Variants in ATP8B4 observed in about 807,000 individuals in gnomAD.
The protein encoded by ATP8B4 is probable phospholipid-transporting ATPase IM.
ATP8B4 carries 133 observed loss-of-function variants against 145.6 expected under a neutral mutation model. The observed-to-expected ratio is 0.91, with a 90% confidence interval of 0.79 to 1.05. The LOEUF (loss-of-function observed/expected upper bound fraction) is 1.05, where lower values mean the gene tolerates loss of function less well. ATP8B4 is among the 50% of genes least tolerant of loss of function. The probability of loss-of-function intolerance (pLI) is 0.00; values close to 1 mark genes in which losing one functional copy is unlikely to be tolerated. For synonymous variants in ATP8B4, 507 were observed against 492.9 expected (o/e 1.03, Z -0.38); for missense variants, 1,458 against 1,425.2 (o/e 1.02, Z -0.37).
At chr15:49,976,367 C>A (rs752147594) in intron 12 of ATP8B4, among the ~76,000 whole-genome samples, 3 of 150,828 alleles carry the variant, frequency 2.0e-5, no homozygotes, top group Non-Finnish European at 4.4e-5. Context: ...AGTGTCTTGC[C>A]CATCAGAGGC....
In ATP8B4 at chr15:50,098,226, G is replaced by T. The variant is rs1241919430; in HGVS notation, c.28+8713C>A. On this transcript the variant is annotated intron_variant, in intron 2 of 27. Coordinates refer to ENST00000284509, the MANE Select transcript of ATP8B4 (RefSeq NM_024837.4). Reference sequence around the variant, plus strand: ...AAATTAAAGATTTTGGTTGTGTCATGAAAATACATGAGTACCATACAGTTC... The same window carrying T: ...AAATTAAAGATTTTGGTTGTGTCATTAAAATACATGAGTACCATACAGTTC... Among the ~76,000 whole-genome samples the T allele has an allele frequency of 1.2e-4, 16 of 136,164 alleles. No homozygotes were observed. The Admixed American group carries it at 1.2e-3, about 10-fold the overall frequency. 89.3% of individuals were successfully genotyped at this position (136,164 alleles called of 152,430 possible). A position where few individuals can be genotyped will look rare whatever the true frequency, so the allele number is the denominator to read the frequency against.
chr15:50,094,049 T>C (rs982434169), intron 2 of ATP8B4, among the ~76,000 whole-genome samples: 2 of 152,032 alleles, frequency 1.3e-5, no homozygotes, highest in Non-Finnish European at 2.9e-5. Context: ...TAAACTAAAG[T>C]ATGTCTGTGA....
intron 2 of ATP8B4, among the ~76,000 whole-genome samples, chr15:50,086,687 AAAT>A (rs1454391385): frequency 9.3e-6 from 1 of 107,748 alleles, no homozygotes; most frequent in African/African-American, 4.3e-5. Context: ...ATATATAATA[AAAT>A]AATAGAGATC....
At chr15:50,121,666 A>G (rs897698150), upstream of ATP8B4, among the ~76,000 whole-genome samples, 3 of 151,170 alleles carry the variant, frequency 2.0e-5, no homozygotes, top group East Asian at 5.8e-4. Context: ...GATACAAGAA[A>G]AAAAAAACCT....
At chr15:49,879,708 C>T in intron 23 of ATP8B4, 1 of 375,254 alleles carries the variant, frequency 2.7e-6, no homozygotes, top group South Asian at 4.5e-5. Flanking sequence ...GCAGTGAGGA[C>T]AAAATAATAC....
chr15:50,029,567 A>C (rs964374262), intron 6 of ATP8B4, among the ~76,000 whole-genome samples: 1 of 152,104 alleles, frequency 6.6e-6, no homozygotes, highest in Non-Finnish European at 1.5e-5. Context: ...CTTTAATTTA[A>C]TTATGTCTGC....
chr15:50,012,371 C>G (rs1212526232), intron 6 of ATP8B4, among the ~76,000 whole-genome samples: 1 of 152,146 alleles, frequency 6.6e-6, no homozygotes, highest in African/African-American at 2.4e-5. Flanking sequence ...TGAAAGTGCA[C>G]CTGTCTCAGG....
chr15:50,072,924 CTCTCTCTCTCTCTCT>C (rs2053848988), intron 3 of ATP8B4, among the ~76,000 whole-genome samples: 17 of 10,558 alleles, frequency 1.6e-3, no homozygotes, highest in East Asian at 9.3e-3. Context: ...TGCCCGGCCT[CTCTCTCTCTCTCTCT>C]CTCTCTCTCT....
chr15:49,963,506 GC>G (rs1391141343), intron 13 of ATP8B4, among the ~76,000 whole-genome samples: 1 of 152,158 alleles, frequency 6.6e-6, no homozygotes, highest in African/African-American at 2.4e-5. Context: ...CACGGAATTA[GC>G]CTAATGCCCA....
chr15:49,862,171 C>T (rs1361102140), intron 27 of ATP8B4, 74 bp downstream of exon 27: 2 of 1,531,576 alleles, frequency 1.3e-6, no homozygotes, highest in East Asian at 2.3e-5. Context: ...TCTGAGCTTC[C>T]AATAAGGCAG....
At chr15:50,179,223 T>C (rs1029509797) in intron 1 of ATP8B4, among the ~76,000 whole-genome samples, 3 of 152,186 alleles carry the variant, frequency 2.0e-5, no homozygotes, top group Non-Finnish European at 4.4e-5. Flanking sequence ...TATTTGTCAA[T>C]TGAGTGTAGT....
At position 49,916,927 on chromosome 15, in the gene ATP8B4, CACCT is replaced by C. The variant is rs1319457339; in HGVS notation, c.2141+3_2141+6del. 1 of 1,611,454 alleles carries C rather than the reference CACCT, an allele frequency of 6.2e-7. No individual in the cohort carries two copies. Among genetic ancestry groups the C allele is most frequent in the Non-Finnish European group, 8.5e-7 (1 of 1,178,188 alleles). On this transcript the variant is annotated splice_donor_5th_base_variant and intron_variant, in intron 20 of 27. Coordinates refer to ENST00000284509, the MANE Select transcript of ATP8B4 (RefSeq NM_024837.4). Reference sequence around the variant, plus strand: ...TTCCATCCTTTCCTCCTTCCTTCAACACCTACCTGAGTTCTTCTCTCACTTCCAC... The same window carrying C: ...TTCCATCCTTTCCTCCTTCCTTCAACACCTGAGTTCTTCTCTCACTTCCAC...
At chr15:50,002,401 C>A (rs2047969221) in intron 7 of ATP8B4, among the ~76,000 whole-genome samples, 178 bp from the exon 8 acceptor site, 2 of 152,264 alleles carry the variant, frequency 1.3e-5, no homozygotes, top group South Asian at 4.1e-4. Context: ...TCCCTCTTCC[C>A]TGTTCCTCCT....
chr15:49,972,337 T>C (rs920956867), intron 13 of ATP8B4, among the ~76,000 whole-genome samples: 1 of 152,036 alleles, frequency 6.6e-6, no homozygotes, highest in Non-Finnish European at 1.5e-5. Context: ...CTAACCCTTT[T>C]CTCTATCCAT....
Position 50,007,093 on chromosome 15 carries a change from CATAAAAAA to C in ATP8B4, c.435+3744_435+3751del, listed in dbSNP as rs1346573713. 5.6e-4 allele frequency among the ~76,000 whole-genome samples: 85 copies of C among 151,836 alleles called. 1 individual carries two copies. Among genetic ancestry groups the C allele is most frequent in the Non-Finnish European group, 1.0e-3 (68 of 67,914 alleles). On this transcript the variant is annotated intron_variant, in intron 7 of 27. Coordinates refer to ENST00000284509, the MANE Select transcript of ATP8B4 (RefSeq NM_024837.4). ...TTAAAATGTACATACAAATGCAGAA[CATAAAAAA>C]AATAAATAAATAAAAATAAATAAAA...
intron 1 of ATP8B4, among the ~76,000 whole-genome samples, chr15:50,134,331 A>G (rs1174372068): frequency 6.6e-6 from 1 of 152,228 alleles, no homozygotes; most frequent in Non-Finnish European, 1.5e-5. Flanking sequence ...TAAAGGTGGA[A>G]AGAAAGTTGC....
At chr15:49,987,061 C>T (rs1284305931) in intron 10 of ATP8B4, among the ~76,000 whole-genome samples, 3 of 152,126 alleles carry the variant, frequency 2.0e-5, no homozygotes, top group South Asian at 4.1e-4. Flanking sequence ...ACTTTAAAGG[C>T]AGATTCATAC....
At chr15:49,971,876 G>A (rs1005164764) in intron 13 of ATP8B4, among the ~76,000 whole-genome samples, 1 of 152,126 alleles carries the variant, frequency 6.6e-6, no homozygotes, top group African/African-American at 2.4e-5. Flanking sequence ...CTACCCAAAT[G>A]CCCATCAGTG....
intron 14 of ATP8B4, among the ~76,000 whole-genome samples, chr15:49,959,099 A>C (rs1422961432): frequency 6.6e-6 from 1 of 152,034 alleles, no homozygotes; most frequent in East Asian, 1.9e-4. Flanking sequence ...ATCTAGTAGC[A>C]TATTAAAAAA....
Sources: allele counts gnomAD v4.1 joint callset (sites outside exome capture counted in the v4.1 genomes callset), GRCh38; gene constraint gnomAD v4.1.1; transcripts MANE v1.5; gene names NCBI Gene and HGNC (gene_info 2026-07-23, HGNC 2026-07-21).